Variants in CSNK1G2 observed in about 807,000 individuals in gnomAD.
The protein encoded by CSNK1G2 is casein kinase I isoform gamma-2.
In CSNK1G2, 11 loss-of-function variants were observed where a neutral mutation model predicts 48.0. The observed-to-expected ratio is 0.23, with a 90% CI of 0.14 to 0.38. The LOEUF is 0.38. Ranked by LOEUF, CSNK1G2 falls within the 10% of genes least tolerant of loss-of-function variation. The probability of loss-of-function intolerance (pLI) is 1.00; values close to 1 mark genes in which losing one functional copy is unlikely to be tolerated. For missense variants in CSNK1G2, 446 were observed against 595.5 expected (o/e 0.75, Z 2.61); for synonymous variants, 337 against 254.1 (o/e 1.33, Z -3.10).
chr19:1,956,123 C>A (rs372701665), intron 1 of CSNK1G2, among the ~76,000 whole-genome samples: 2 of 152,122 alleles, frequency 1.3e-5, no homozygotes, highest in African/African-American at 2.4e-5. Flanking sequence ...AGAGGCCCTG[C>A]GGGAGCCAGG....
At chr19:1,963,000 G>A (rs2015248964) in intron 1 of CSNK1G2, among the ~76,000 whole-genome samples, 1 of 151,984 alleles carries the variant, frequency 6.6e-6, no homozygotes, top group African/African-American at 2.4e-5. Flanking sequence ...TGAAAAGGAA[G>A]AAGCTCTGAC....
intron 1 of CSNK1G2, among the ~76,000 whole-genome samples, chr19:1,949,703 A>G (rs971111555): frequency 6.6e-6 from 1 of 152,184 alleles, no homozygotes; most frequent in Non-Finnish European, 1.5e-5. Flanking sequence ...GGCCATCCAT[A>G]CCTGCACTGT....
At chr19:1,953,053 C>A (rs1004729738) in intron 1 of CSNK1G2, 5 of 399,890 alleles carry the variant, frequency 1.3e-5, no homozygotes, top group Non-Finnish European at 2.4e-5. Context: ...GCAGCCCACC[C>A]AGGTTTTCCA....
rs1174185536 is a variant in CSNK1G2, at chr19:1,980,482, A to C, written c.*279A>C. On this transcript the variant is annotated 3_prime_UTR_variant, in exon 12 of 12. Transcript: ENST00000255641. Reference sequence around the variant, plus strand: ...AAAACAAGGAAAAGAGGAAAAAAAAAACAGAGGCCCGCCCTACCCCACTCC... The same window carrying C: ...AAAACAAGGAAAAGAGGAAAAAAAACACAGAGGCCCGCCCTACCCCACTCC... The C allele has an allele frequency of 2.0e-6, 1 of 500,534 alleles. No individual in the cohort carries two copies. The highest frequency in any genetic ancestry group is 3.6e-6 in the Non-Finnish European group (1 of 279,102). The allele number at this position is 500,534 out of a possible 1,614,324, so 31.0% of individuals were successfully genotyped here.
intron 1 of CSNK1G2, among the ~76,000 whole-genome samples, chr19:1,967,298 T>TTCG (rs2145564850): frequency 6.6e-6 from 1 of 152,298 alleles, no homozygotes; most frequent in East Asian, 1.9e-4. Context: ...CCTAACATTT[T>TTCG]CGGCGATGGC....
At chr19:1,946,181 A>G (rs940641671) in intron 1 of CSNK1G2, among the ~76,000 whole-genome samples, 1 of 151,560 alleles carries the variant, frequency 6.6e-6, no homozygotes, top group Non-Finnish European at 1.5e-5. Flanking sequence ...CGCGCAGAGG[A>G]GGGGGCGCAG....
At chr19:1,962,791 G>T (rs934554967) in intron 1 of CSNK1G2, among the ~76,000 whole-genome samples, 1 of 141,102 alleles carries the variant, frequency 7.1e-6, no homozygotes, top group Non-Finnish European at 1.5e-5. Context: ...CCTCAAAGAT[G>T]CACAGATCTC....
At chr19:1,977,926 G>A (rs769211111) in intron 2 of CSNK1G2, among the ~76,000 whole-genome samples, 13 of 152,246 alleles carry the variant, frequency 8.5e-5, no homozygotes, top group Non-Finnish European at 1.5e-4. Context: ...CCTGGGGGCC[G>A]AGGGCCTCGG....
chr19:1,979,517 C>T lies in CSNK1G2; in HGVS notation c.876C>T (p.Arg292=). 2 of 1,599,944 alleles carry T rather than the reference C, an allele frequency of 1.3e-6. No individual in the cohort carries two copies. Among genetic ancestry groups the T allele is most frequent in the Non-Finnish European group, 1.7e-6 (2 of 1,175,524 alleles). The change falls in exon 9 of 12, where the codon CGC becomes CGT. Residue 292 remains arginine (R), a synonymous_variant. Transcript: ENST00000255641. ...NFPEEMATYL[R]YVRRLDFFEK... is the part of the protein sequence containing the mutation. ...CAGAGGAGATGGCCACGTACCTGCG[C>T]TATGTGCGGCGCCTGGACTTCTTCG... is the stretch of plus-strand genomic sequence containing the variant.
rs1183750927 is a variant in CSNK1G2, at chr19:1,979,952, C to T, written c.1128C>T (p.Pro376=). 3 of 1,597,732 alleles carry T rather than the reference C, an allele frequency of 1.9e-6. No homozygotes were observed. Among genetic ancestry groups the T allele is most frequent in the Non-Finnish European group, 2.6e-6 (3 of 1,171,472 alleles). ...ACGGGGAGCTGAATGCGGACGACCC[C>T]ACGGCCGGCCACTCCAACGCCCCGA... The part of the protein sequence containing the change: ...STNGELNADD[P]TAGHSNAPIT... Residue 376 remains proline, a synonymous_variant, in exon 11 of 12, where the codon CCC becomes CCT. Transcript: ENST00000255641.
rs1408975344 is a variant in CSNK1G2, at chr19:1,950,724, G to T, written c.-266+9306G>T. Reference sequence around the variant, plus strand: ...CACCAAGGCACCTTCTCGTGCCCCAGAGGCCACCAGCACCCGTCCCCCTGC... The same window carrying T: ...CACCAAGGCACCTTCTCGTGCCCCATAGGCCACCAGCACCCGTCCCCCTGC... On this transcript the variant is annotated intron_variant, in intron 1 of 11. Coordinates refer to ENST00000255641, the MANE Select transcript of CSNK1G2 (RefSeq NM_001319.7). 5.5e-5 allele frequency among the ~76,000 whole-genome samples: 8 copies of T among 145,068 alleles called. 1 individual carries two copies. Among genetic ancestry groups the T allele is most frequent in the African/African-American group, 2.1e-4 (8 of 37,660 alleles).
intron 1 of CSNK1G2, among the ~76,000 whole-genome samples, chr19:1,954,957 A>G (rs1026805208): frequency 6.6e-6 from 1 of 152,112 alleles, no homozygotes; most frequent in African/African-American, 2.4e-5. Context: ...GCCCTCAGGC[A>G]ACAGGGCAGG....
In CSNK1G2 at chr19:1,972,240, G is replaced by A. The variant is rs538821470; in HGVS notation, c.187+2281G>A. ...ATCTGCTCCCAGCGCAGGGACGCTT[G>A]GCTGTTTCTGGATTTGGGCCCTTCT... On this transcript the variant is annotated intron_variant, in intron 2 of 11. Coordinates refer to ENST00000255641, the MANE Select transcript of CSNK1G2 (RefSeq NM_001319.7). Among the ~76,000 whole-genome samples the A allele has an allele frequency of 3.0e-4, 45 of 152,346 alleles. 1 individual carries two copies. The South Asian group carries it at 9.1e-3, about 31-fold the overall frequency.
intron 1 of CSNK1G2, among the ~76,000 whole-genome samples, chr19:1,964,267 T>C (rs1227599370): frequency 1.3e-5 from 2 of 149,638 alleles, no homozygotes; most frequent in Non-Finnish European, 2.9e-5. Flanking sequence ...CACTCCTGCC[T>C]GGGTGACAGA....
rs1353193375 is a variant in CSNK1G2, at chr19:1,980,266, G to A, written c.*63G>A. 3 of 1,592,804 alleles carry A rather than the reference G, an allele frequency of 1.9e-6. No homozygotes were observed. Among genetic ancestry groups the A allele is most frequent in the South Asian group, 2.2e-5 (2 of 90,406 alleles). On this transcript the variant is annotated 3_prime_UTR_variant, in exon 12 of 12. Coordinates refer to ENST00000255641, the MANE Select transcript of CSNK1G2 (RefSeq NM_001319.7). ...AGCCCCTTGGGGCGCGACCTTGTGC[G>A]AGGCCCTCGGGGCCCACCCACAGCG...
At chr19:1,977,617 G>A (rs2015803312) in intron 2 of CSNK1G2, among the ~76,000 whole-genome samples, 1 of 152,124 alleles carries the variant, frequency 6.6e-6, no homozygotes, top group Admixed American at 6.6e-5. Context: ...GTTGGGTGTG[G>A]TGGTGCGCAC....
intron 2 of CSNK1G2, among the ~76,000 whole-genome samples, chr19:1,977,784 G>A (rs76396580): frequency 1.3e-5 from 2 of 148,758 alleles, no homozygotes; most frequent in African/African-American, 2.5e-5. Flanking sequence ...TCTGGGCCTC[G>A]TACCTTCTGC....
At chr19:1,943,803 C>G (rs1158759516) in intron 1 of CSNK1G2, among the ~76,000 whole-genome samples, 2 of 152,150 alleles carry the variant, frequency 1.3e-5, no homozygotes, top group Admixed American at 1.3e-4. Flanking sequence ...TTGATGTTGC[C>G]TCCTTTCTGC....
intron 1 of CSNK1G2, among the ~76,000 whole-genome samples, chr19:1,969,290 C>A (rs1261194504): frequency 6.9e-6 from 1 of 145,310 alleles, no homozygotes; most frequent in Non-Finnish European, 1.5e-5. Context: ...CCTGTTCGTC[C>A]CCAGGCAGCC....
Sources: allele counts gnomAD v4.1 joint callset (sites outside exome capture counted in the v4.1 genomes callset), GRCh38; gene constraint gnomAD v4.1.1; transcripts MANE v1.5; gene names NCBI Gene and HGNC (gene_info 2026-07-23, HGNC 2026-07-21).